The following TTC6 variants were observed in gnomAD, a reference collection of about 807,000 sequenced individuals.
The protein encoded by TTC6 is tetratricopeptide repeat domain 6.
Under a neutral mutation model 210.4 loss-of-function variants are expected in TTC6, and 172 were observed. The observed-to-expected ratio is 0.82, with a 90% confidence interval of 0.72 to 0.93. The LOEUF (loss-of-function observed/expected upper bound fraction) is 0.93, where lower values mean the gene tolerates loss of function less well. TTC6 is among the 40% of genes least tolerant of loss of function. The pLI, the probability that TTC6 is intolerant of heterozygous loss-of-function variation, is 0.00. For missense variants in TTC6, 2,414 were observed against 2,318.1 expected (o/e 1.04, Z -0.85); for synonymous variants, 804 against 819.6 (o/e 0.98, Z 0.32).
chr14:37,598,469 G>A lies in TTC6; in HGVS notation c.-235+2461G>A, dbSNP rs1007736103. Among the ~76,000 whole-genome samples the A allele has an allele frequency of 2.0e-5, 3 of 152,250 alleles. No individual in the cohort carries two copies. Among genetic ancestry groups the A allele is most frequent in the African/African-American group, 7.2e-5 (3 of 41,476 alleles). On this transcript the variant is annotated intron_variant, in intron 1 of 2. Coordinates refer to the TTC6 transcript ENST00000556845. The surrounding 1 kb of genome is among the most constrained non-coding windows in gnomAD (Gnocchi z 4.9). ...TCCGCCCTTCCCGGAAGCTGCCCTT[G>A]CTACACCCGTGGGGCCTGCTCCCGG...
At chr14:37,805,485 C>T (rs557052755) in intron 21 of TTC6, among the ~76,000 whole-genome samples, 10 of 151,232 alleles carry the variant, frequency 6.6e-5, no homozygotes, top group East Asian at 1.9e-4. Context: ...TTCTTACGTT[C>T]GTGGGGTGGA....
At chr14:37,646,949 G>C (rs2095702736) in intron 1 of TTC6, among the ~76,000 whole-genome samples, 1 of 152,144 alleles carries the variant, frequency 6.6e-6, no homozygotes, top group Non-Finnish European at 1.5e-5. Flanking sequence ...CCACATGAAA[G>C]TCTTTCAGGA....
At chr14:37,765,448 T>C (rs1033687001) in intron 14 of TTC6, among the ~76,000 whole-genome samples, 1 of 151,830 alleles carries the variant, frequency 6.6e-6, no homozygotes, top group Non-Finnish European at 1.5e-5. Flanking sequence ...CCTGAAGTGC[T>C]GGGATTACAG....
intron 1 of TTC6, among the ~76,000 whole-genome samples, chr14:37,639,520 A>G (rs1336232584): frequency 6.6e-6 from 1 of 152,084 alleles, no homozygotes; most frequent in Admixed American, 6.6e-5. Flanking sequence ...CTCACATAAC[A>G]TTTGGATGCT....
chr14:37,719,219 T>C (rs1033292269), intron 6 of TTC6, among the ~76,000 whole-genome samples: 5 of 152,094 alleles, frequency 3.3e-5, no homozygotes, highest in Admixed American at 6.5e-5. Flanking sequence ...TCTAAGTAAA[T>C]AGAGAGATTC....
At chr14:37,816,594 G>T (rs1167475585) in intron 25 of TTC6, among the ~76,000 whole-genome samples, 1 of 152,008 alleles carries the variant, frequency 6.6e-6, no homozygotes, top group South Asian at 2.1e-4. Context: ...GCAGTCTTCT[G>T]GGGAAAAAGC....
intron 3 of TTC6, among the ~76,000 whole-genome samples, chr14:37,688,055 G>A (rs2095797254): frequency 6.6e-6 from 1 of 152,114 alleles, no homozygotes; most frequent in Admixed American, 6.6e-5. Context: ...TAGGTCAGAG[G>A]GAAGCCCACT....
chr14:37,697,452 TGG>T (rs2095816995), intron 4 of TTC6, among the ~76,000 whole-genome samples: 1 of 152,134 alleles, frequency 6.6e-6, no homozygotes. Flanking sequence ...TAAGTTTTTA[TGG>T]GTTAGTTTCT....
intron 6 of TTC6, among the ~76,000 whole-genome samples, chr14:37,715,583 A>G (rs774747536): frequency 6.6e-6 from 1 of 152,168 alleles, no homozygotes; most frequent in Non-Finnish European, 1.5e-5. Context: ...TTATATTAAG[A>G]TAAAGAAAGC....
intron 1 of TTC6, among the ~76,000 whole-genome samples, chr14:37,667,129 G>C (rs1476842166): frequency 1.3e-5 from 2 of 149,524 alleles, no homozygotes; most frequent in Non-Finnish European, 3.0e-5. Flanking sequence ...ACATTTTTGT[G>C]GGTCCTTAAA....
intron 1 of TTC6, among the ~76,000 whole-genome samples, chr14:37,653,700 T>C (rs144218121): frequency 6.6e-5 from 10 of 152,302 alleles, no homozygotes; most frequent in South Asian, 2.1e-4. Flanking sequence ...TGAGGTCTTA[T>C]GATATGACTT....
rs1008912748 is a variant in TTC6, at chr14:37,697,876, G to T, written c.1376+1041G>T. ...TTTTCTAAAAAACCTTGCATTTAGT[G>T]CATTAAGCAGAGTAGTATGGCCACA... On this transcript the variant is annotated intron_variant, in intron 4 of 30. Coordinates refer to ENST00000553443, the Ensembl canonical transcript of TTC6. Among the ~76,000 whole-genome samples, 6 of 151,992 alleles carry T rather than the reference G, an allele frequency of 3.9e-5. No individual in the cohort carries two copies. In the East Asian group the frequency reaches 1.2e-3, roughly 29 times the overall value.
intron 14 of TTC6, among the ~76,000 whole-genome samples, chr14:37,771,677 G>A (rs1216263049): frequency 3.3e-5 from 5 of 152,034 alleles, no homozygotes; most frequent in Non-Finnish European, 5.9e-5. Flanking sequence ...GCACTTCTCT[G>A]TATTGGTTAT....
At chr14:37,821,102 C>G (rs2096155959) in intron 26 of TTC6, among the ~76,000 whole-genome samples, 1 of 148,640 alleles carries the variant, frequency 6.7e-6, no homozygotes, top group South Asian at 2.1e-4. Context: ...GAGTCTTACT[C>G]TGTTGCCCAG....
chr14:37,610,723 C>G (rs1040056897), intron 2 of TTC6, among the ~76,000 whole-genome samples: 2 of 152,210 alleles, frequency 1.3e-5, no homozygotes, highest in African/African-American at 4.8e-5. Context: ...GATGGCTACT[C>G]TCTGGACTTT....
At chr14:37,641,513 T>C (rs924555687) in intron 1 of TTC6, among the ~76,000 whole-genome samples, 1 of 152,328 alleles carries the variant, frequency 6.6e-6, no homozygotes, top group African/African-American at 2.4e-5. Flanking sequence ...GAATATTCTT[T>C]TATAAGTACC....
chr14:37,797,074 T>A (rs774896135), intron 20 of TTC6, 127 bp downstream of exon 22: 29 of 930,602 alleles, frequency 3.1e-5, no homozygotes, highest in Non-Finnish European at 1.2e-5. Flanking sequence ...AATTAACATT[T>A]GGGTTATTTT....
intron 8 of TTC6, among the ~76,000 whole-genome samples, chr14:37,736,501 G>A (rs1324426232): frequency 6.6e-6 from 1 of 152,072 alleles, no homozygotes; most frequent in East Asian, 1.9e-4. Flanking sequence ...CAGGATATTT[G>A]TTGTGAGTTT....
chr14:37,622,297 C>G lies in TTC6; in HGVS notation c.233C>G (p.Ser78Trp), dbSNP rs541769436. The change falls in exon 1 of 31, where the codon TCG becomes TGG. Residue 78 changes from serine (S) to tryptophan (W), a missense_variant. Transcript: ENST00000553443. Reference sequence around the variant, plus strand: ...GCCCGGACGTCGAGAAGATACCCTTCGCTTAAAGGCCCTGCGATGTCCGCG... The same window carrying G: ...GCCCGGACGTCGAGAAGATACCCTTGGCTTAAAGGCCCTGCGATGTCCGCG... The G allele has an allele frequency of 2.6e-6, 4 of 1,534,776 alleles. No individual in the cohort carries two copies. In the African/African-American group the frequency reaches 5.5e-5, roughly 21 times the overall value.
Sources: gnomAD v4.1 joint callset for allele counts (sites outside exome capture counted in the v4.1 genomes callset) on GRCh38, gnomAD v4.1.1 for gene constraint, Gnocchi (gnomAD v3.1) non-coding constraint, MANE v1.5 for transcripts, NCBI Gene and HGNC (gene_info 2026-07-23, HGNC 2026-07-21) for gene names.